The following EYA1 variants were observed in gnomAD, a reference collection of about 807,000 sequenced individuals.
The protein encoded by EYA1 is protein phosphatase EYA1.
Under a neutral mutation model 82.0 loss-of-function variants are expected in EYA1, and 16 were observed. The observed-to-expected ratio is 0.20, with a 90% CI of 0.13 to 0.30. The LOEUF is 0.30. EYA1 is among the 10% of genes least tolerant of loss of function. The probability of loss-of-function intolerance (pLI) is 1.00; values close to 1 mark genes in which losing one functional copy is unlikely to be tolerated. For missense variants in EYA1, 633 were observed against 730.7 expected (o/e 0.87, Z 1.54); for synonymous variants, 261 against 264.4 (o/e 0.99, Z 0.12).
intron 2 of EYA1, among the ~76,000 whole-genome samples, chr8:71,427,432 T>C (rs896931824): frequency 6.6e-6 from 1 of 152,204 alleles, no homozygotes; most frequent in Non-Finnish European, 1.5e-5. Flanking sequence ...CCAAAATATA[T>C]GCAGAAATAA....
intron 11 of EYA1, among the ~76,000 whole-genome samples, chr8:71,257,513 T>C (rs1814587255): frequency 6.6e-6 from 1 of 152,210 alleles, no homozygotes; most frequent in South Asian, 2.1e-4. Context: ...AAGGCCATAA[T>C]GCAAAAGCCT....
intron 2 of EYA1, among the ~76,000 whole-genome samples, chr8:71,386,780 T>G (rs1435004112): frequency 6.6e-6 from 1 of 152,222 alleles, no homozygotes; most frequent in Non-Finnish European, 1.5e-5. Flanking sequence ...CATGCCTATA[T>G]AAGTGAATAT....
intron 7 of EYA1, among the ~76,000 whole-genome samples, chr8:71,313,189 T>C (rs1024067012): frequency 1.3e-5 from 2 of 152,166 alleles, no homozygotes; most frequent in Non-Finnish European, 2.9e-5. Context: ...CTTCATGTTG[T>C]TTCTCCCCCG....
At chr8:71,348,919 G>A (rs868123097) in intron 3 of EYA1, among the ~76,000 whole-genome samples, 2 of 152,156 alleles carry the variant, frequency 1.3e-5, no homozygotes, top group African/African-American at 2.4e-5. Flanking sequence ...AATATTTTGT[G>A]AGGTAGAAAA....
At chr8:71,473,596 T>C (rs1809409170) in intron 2 of EYA1, among the ~76,000 whole-genome samples, 1 of 152,122 alleles carries the variant, frequency 6.6e-6, no homozygotes. Flanking sequence ...TTTTACACTG[T>C]TGGTGGGAGT....
chr8:71,214,145 C>T (rs897449307), intron 16 of EYA1, among the ~76,000 whole-genome samples: 10 of 152,130 alleles, frequency 6.6e-5, no homozygotes, highest in South Asian at 4.1e-4. Flanking sequence ...TATATGGAGT[C>T]GAGCAGCCAA....
At chr8:71,218,355 T>G (rs999751403) in intron 12 of EYA1, among the ~76,000 whole-genome samples, 1 of 152,176 alleles carries the variant, frequency 6.6e-6, no homozygotes, top group African/African-American at 2.4e-5. Context: ...GAACAAACTC[T>G]TCTCTCTCCA....
chr8:71,418,455 C>T (rs1393051722), intron 2 of EYA1, among the ~76,000 whole-genome samples: 2 of 152,062 alleles, frequency 1.3e-5, no homozygotes, highest in Non-Finnish European at 2.9e-5. Flanking sequence ...AGCCCACATG[C>T]ACTTTGGCAT....
chr8:71,364,770 C>A (rs960176829), upstream of EYA1, among the ~76,000 whole-genome samples: 12 of 151,172 alleles, frequency 7.9e-5, no homozygotes, highest in East Asian at 1.9e-4. Flanking sequence ...TGTTTGAAAA[C>A]CCTCAAGGAG....
At chr8:71,322,297 G>T (rs1228078114) in intron 4 of EYA1, 29 bp from the exon 5 acceptor site, 5 of 1,585,664 alleles carry the variant, frequency 3.2e-6, no homozygotes, top group Non-Finnish European at 4.3e-6. Flanking sequence ...ACAAAATAAT[G>T]CACAATAATC....
chr8:71,547,777 C>G (rs922758371), intron 1 of EYA1: 1 of 150,644 alleles, frequency 6.6e-6, no homozygotes, highest in Non-Finnish European at 1.5e-5. Context: ...CCGAGCGGGG[C>G]GGGGCGGGAG....
At chr8:71,400,881 C>T (rs1682953814) in intron 2 of EYA1, among the ~76,000 whole-genome samples, 1 of 152,118 alleles carries the variant, frequency 6.6e-6, no homozygotes, top group Admixed American at 6.6e-5. Context: ...GGCATGAAAT[C>T]AACCCAAATG....
intron 11 of EYA1, among the ~76,000 whole-genome samples, chr8:71,248,800 C>T (rs1238406323): frequency 6.6e-6 from 1 of 152,120 alleles, no homozygotes; most frequent in South Asian, 2.1e-4. Context: ...CATACGAGTA[C>T]AAGTCAAATG....
chr8:71,545,134 C>A (rs1815442908), intron 1 of EYA1, among the ~76,000 whole-genome samples: 1 of 152,224 alleles, frequency 6.6e-6, no homozygotes, highest in Non-Finnish European at 1.5e-5. Context: ...TGGCACTTAT[C>A]AACTCTATAA....
chr8:71,246,783 C>T (rs1813146245), intron 11 of EYA1, among the ~76,000 whole-genome samples: 1 of 152,192 alleles, frequency 6.6e-6, no homozygotes, highest in Admixed American at 6.5e-5. Context: ...AGAGCAGGGG[C>T]TGGAAAGGGT....
chr8:71,515,478 CA>C lies in EYA1; in HGVS notation c.33+20265del, dbSNP rs377339107. On this transcript the variant is annotated intron_variant, in intron 2 of 18. Transcript: ENST00000643681. The stretch of plus-strand genomic sequence containing the variant: ...TCAAAATCAAGTTGAATCTCAATAT[CA>C]AAAAAAAAAGCCAATTAATTATGTG... 3.7e-3 allele frequency among the ~76,000 whole-genome samples: 547 copies of C among 146,340 alleles called. 1 individual carries two copies. Among genetic ancestry groups the C allele is most frequent in the South Asian group, 5.8e-3 (27 of 4,632 alleles).
At chr8:71,388,868 T>C (rs910502961) in intron 2 of EYA1, among the ~76,000 whole-genome samples, 7 of 152,102 alleles carry the variant, frequency 4.6e-5, no homozygotes, top group African/African-American at 1.7e-4. Flanking sequence ...GTCCTGGTTA[T>C]CAAACAGCAC....
intron 12 of EYA1, among the ~76,000 whole-genome samples, chr8:71,229,646 T>C (rs1810963338): frequency 6.6e-6 from 1 of 152,176 alleles, no homozygotes; most frequent in South Asian, 2.1e-4. Context: ...TTTGTGGAAA[T>C]AAATAATTTT....
intron 11 of EYA1, among the ~76,000 whole-genome samples, chr8:71,255,128 C>T (rs1814250509): frequency 6.6e-6 from 1 of 151,984 alleles, no homozygotes; most frequent in African/African-American, 2.4e-5. Flanking sequence ...GAAAGACATC[C>T]CATGTTCATG....
Sources: allele counts gnomAD v4.1 joint callset (sites outside exome capture counted in the v4.1 genomes callset), GRCh38; gene constraint gnomAD v4.1.1; transcripts MANE v1.5; gene names NCBI Gene and HGNC (gene_info 2026-07-23, HGNC 2026-07-21).